Variants in KIF13B observed in about 807,000 individuals in gnomAD.
KIF13B encodes kinesin family member 13B.
A neutral mutation model predicts 222.0 loss-of-function variants in KIF13B; 127 were observed. The ratio of observed to expected loss-of-function variants is 0.57; its 90% CI spans 0.50 to 0.66. The LOEUF is 0.66. KIF13B is among the 30% of genes least tolerant of loss of function. KIF13B has a pLI of 0.00. For synonymous variants in KIF13B, 976 were observed against 919.0 expected (o/e 1.06, Z -1.12); for missense variants, 2,173 against 2,379.0 (o/e 0.91, Z 1.80).
chr8:29,146,679 T>G, intron 17 of KIF13B, 139 bp from the exon 18 acceptor site: 1 of 730,478 alleles, frequency 1.4e-6, no homozygotes, highest in South Asian at 1.8e-5. Flanking sequence ...GCAGGGACTG[T>G]GTTGCTGACA....
chr8:29,164,993 G>A (rs1282202887), intron 12 of KIF13B, among the ~76,000 whole-genome samples: 1 of 152,114 alleles, frequency 6.6e-6, no homozygotes, highest in Non-Finnish European at 1.5e-5. Context: ...GACTACAGGT[G>A]TGTGCCACCA....
At chr8:29,178,652 T>TAAA (rs35590594) in intron 8 of KIF13B, among the ~76,000 whole-genome samples, 98 of 139,068 alleles carry the variant, frequency 7.0e-4, no homozygotes, top group African/African-American at 1.4e-3. Context: ...TACTTTTAGT[T>TAAA]AAAAAAAAAA....
At chr8:29,130,060 A>C (rs1810278738) in intron 24 of KIF13B, among the ~76,000 whole-genome samples, 1 of 152,212 alleles carries the variant, frequency 6.6e-6, no homozygotes, top group Non-Finnish European at 1.5e-5. Context: ...AATGTTCTAA[A>C]GCTGTTTGAT....
intron 7 of KIF13B, among the ~76,000 whole-genome samples, chr8:29,181,145 T>C (rs758502614): frequency 1.3e-4 from 20 of 152,198 alleles, no homozygotes; most frequent in African/African-American, 4.1e-4. Flanking sequence ...CTTAAGGGTG[T>C]AGGCATGCTA....
At chr8:29,250,479 A>G (rs1165828990) in intron 1 of KIF13B, among the ~76,000 whole-genome samples, 6 of 152,212 alleles carry the variant, frequency 3.9e-5, no homozygotes, top group South Asian at 2.1e-4. Context: ...AAAATCCAAA[A>G]TAATACAAAA....
At chr8:29,080,777 C>G (rs1370552150) in intron 37 of KIF13B, among the ~76,000 whole-genome samples, 1 of 152,130 alleles carries the variant, frequency 6.6e-6, no homozygotes, top group Non-Finnish European at 1.5e-5. Context: ...TGGCTGCCGA[C>G]CCCCGCCCGA....
At chr8:29,198,174 C>G (rs148383687) in intron 2 of KIF13B, among the ~76,000 whole-genome samples, 1 of 152,070 alleles carries the variant, frequency 6.6e-6, no homozygotes. Flanking sequence ...TCCAACATGG[C>G]TAATACATAA....
rs1278821340 is a variant in KIF13B at position 29,209,143 on chromosome 8, A to G, written c.150-12944T>C. 2.6e-5 allele frequency among the ~76,000 whole-genome samples: 4 copies of G among 152,198 alleles called. 1 individual carries two copies. Among genetic ancestry groups the G allele is most frequent in the Admixed American group, 6.5e-5 (1 of 15,274 alleles). ...TTAACTTGCAAGTTTACGTTTCTACAATAAGGTAACTTTAAAAGACACTGA... is the reference window on the plus strand; with the variant it reads ...TTAACTTGCAAGTTTACGTTTCTACGATAAGGTAACTTTAAAAGACACTGA... On this transcript the variant is annotated intron_variant, in intron 2 of 39. Transcript: ENST00000524189.
rs561873814 is a variant in KIF13B at position 29,099,743 on chromosome 8, C to A, written c.4216-502G>T. 2.3e-4 allele frequency among the ~76,000 whole-genome samples: 35 copies of A among 152,260 alleles called. No individual in the cohort carries two copies. The East Asian group carries it at 5.2e-3, about 23-fold the overall frequency. On this transcript the variant is annotated intron_variant, in intron 35 of 39. Transcript: ENST00000524189. ...CAACAATAATAATCATACCCCCCCA[C>A]ACACATTTGGACAGCCCCTCCATAC...
intron 6 of KIF13B, among the ~76,000 whole-genome samples, chr8:29,183,260 T>G (rs939287104): frequency 7.9e-5 from 12 of 151,034 alleles, no homozygotes; most frequent in South Asian, 2.1e-4. Flanking sequence ...CAAGCAGTTC[T>G]CCTGCCTCAT....
chr8:29,177,302 C>A (rs762391957), intron 9 of KIF13B, among the ~76,000 whole-genome samples, 164 bp downstream of exon 9: 3 of 152,206 alleles, frequency 2.0e-5, no homozygotes, highest in Non-Finnish European at 4.4e-5. Context: ...AGGCTGTGCT[C>A]TTCAGCCCCA....
In KIF13B at chr8:29,070,594, G is replaced by A. The variant is rs373522039; in HGVS notation, c.5391C>T (p.Ser1797=). The A allele has an allele frequency of 3.5e-5, 56 of 1,596,382 alleles. No individual in the cohort carries two copies. Among genetic ancestry groups the A allele is most frequent in the South Asian group, 2.4e-4 (21 of 88,854 alleles). The change falls in exon 40 of 40, where the codon TCC becomes TCT. Residue 1797 remains serine, a synonymous_variant. Transcript: ENST00000524189. The surrounding 1 kb of genome is among the most constrained non-coding windows in gnomAD (Gnocchi z 4.1). The part of the protein sequence containing the change: ...EARRSATLSG[S]ATNLASLTAA... ...CTGTCAGCGAGGCCAGGTTGGTGGC[G>A]GAGCCCGAGAGGGTGGCGCTCCGGC...
chr8:29,070,944 AG>A lies in KIF13B; in HGVS notation c.5219-179del, dbSNP rs1807241879. On this transcript the variant is annotated intron_variant, in intron 39 of 39. Coordinates refer to ENST00000524189, the MANE Select transcript of KIF13B (RefSeq NM_015254.4). The surrounding 1 kb of genome is among the most constrained non-coding windows in gnomAD (Gnocchi z 4.1). ...AGGGACTGGCTAAATGAATGTGGCC[AG>A]GGCCTGGGGTGACCGCCTCCCAGGA... Among the ~76,000 whole-genome samples, 1 of 152,206 alleles carries A rather than the reference AG, an allele frequency of 6.6e-6. No homozygotes were observed. The highest frequency in any genetic ancestry group is 1.5e-5 in the Non-Finnish European group (1 of 68,020).
At chr8:29,133,862 T>C (rs780803041) in intron 22 of KIF13B, among the ~76,000 whole-genome samples, 178 bp downstream of exon 22, 1 of 152,262 alleles carries the variant, frequency 6.6e-6, no homozygotes, top group Non-Finnish European at 1.5e-5. Context: ...ATGCAAAAGT[T>C]ACCTTTGGGT....
At chr8:29,083,597 A>G (rs933888937) in intron 37 of KIF13B, among the ~76,000 whole-genome samples, 1 of 152,194 alleles carries the variant, frequency 6.6e-6, no homozygotes, top group African/African-American at 2.4e-5. Flanking sequence ...TGTCCACTAT[A>G]TTACCTACAA....
chr8:29,118,327 TAA>T (rs1208760858), intron 30 of KIF13B, among the ~76,000 whole-genome samples: 39 of 120,574 alleles, frequency 3.2e-4, no homozygotes, highest in Admixed American at 2.5e-4. Context: ...CCATCTCTAC[TAA>T]AAAAAAAAAA....
intron 36 of KIF13B, among the ~76,000 whole-genome samples, chr8:29,096,632 T>G (rs11776360): frequency 0.41 from 62,930 of 151,730 alleles, 15,373 homozygotes; most frequent in Non-Finnish European, 0.56. Flanking sequence ...AAAGTGAGGT[T>G]TGAATACCTA....
chr8:29,109,305 C>CTG (rs1809243225), intron 34 of KIF13B, 129 bp downstream of exon 34: 1 of 718,062 alleles, frequency 1.4e-6, no homozygotes, highest in African/African-American at 1.8e-5. Context: ...AGACCAGGGG[C>CTG]CCTGACATCA....
chr8:29,116,780 A>T, intron 31 of KIF13B, 51 bp downstream of exon 31: 1 of 1,541,940 alleles, frequency 6.5e-7, no homozygotes, highest in Non-Finnish European at 8.8e-7. Context: ...GCACGGCCCT[A>T]CCCTCAGGTC....
Sources: allele counts gnomAD v4.1 joint callset (sites outside exome capture counted in the v4.1 genomes callset), GRCh38; gene constraint gnomAD v4.1.1; non-coding constraint Gnocchi (gnomAD v3.1); transcripts MANE v1.5; gene names NCBI Gene and HGNC (gene_info 2026-07-23, HGNC 2026-07-21).